The following CR1 variants were observed in gnomAD, a reference collection of about 807,000 sequenced individuals.
CR1 encodes the protein complement receptor type 1.
CR1 carries 116 observed loss-of-function variants against 187.3 expected under a neutral mutation model. The ratio of observed to expected loss-of-function variants is 0.62; its 90% confidence interval spans 0.53 to 0.72. The LOEUF (loss-of-function observed/expected upper bound fraction) is 0.72. Among genes scored for constraint, CR1 ranks in the 30% least tolerant of loss-of-function variants. The pLI is 0.00. For missense variants in CR1, 1,731 were observed against 2,110.7 expected (o/e 0.82, Z 3.52); for synonymous variants, 576 against 747.1 (o/e 0.77, Z 3.73).
chr1:207,509,418 T>C (rs1211995216), intron 3 of CR1, among the ~76,000 whole-genome samples: 1 of 151,562 alleles, frequency 6.6e-6, no homozygotes, highest in Non-Finnish European at 1.5e-5. Context: ...TTACAATAAG[T>C]AGCATGGATT....
chr1:207,620,931 C>T (rs1042425477), intron 43 of CR1, among the ~76,000 whole-genome samples: 1 of 152,080 alleles, frequency 6.6e-6, no homozygotes, highest in Non-Finnish European at 1.5e-5. Flanking sequence ...AGTCACTTTG[C>T]ACCAGGATAA....
At chr1:207,606,742 G>A (rs1661763426) in intron 35 of CR1, among the ~76,000 whole-genome samples, 1 of 152,136 alleles carries the variant, frequency 6.6e-6, no homozygotes, top group Non-Finnish European at 1.5e-5. Context: ...TACATTTCAA[G>A]TGTAGGGGTG....
In CR1 at chr1:207,580,388, C is replaced by G; in HGVS notation, c.5085C>G (p.Asp1695Glu). ...AASLHCTPQG[D>E]WSPEAPRCAV... is the part of the protein sequence containing the mutation. ...CTCTGCACTGCACACCCCAGGGAGA[C>G]TGGAGCCCTGAAGCCCCGAGATGTG... Residue 1695 changes from aspartate (D) to glutamate (E), a missense_variant, in exon 30 of 47, where the codon GAC becomes GAG. Asp to Glu is a conservative substitution (Grantham distance 45). Around this residue, in one of 5 missense-constraint regions of CR1, gnomAD observed 1,312 missense variants for 1,379.6 expected, o/e 0.95. Coordinates refer to ENST00000367049, the MANE Select transcript of CR1 (RefSeq NM_000651.6). 1 of 1,613,922 alleles carries G rather than the reference C, an allele frequency of 6.2e-7. No homozygotes were observed. Among genetic ancestry groups the G allele is most frequent in the South Asian group, 1.1e-5 (1 of 91,070 alleles).
intron 28 of CR1, among the ~76,000 whole-genome samples, chr1:207,576,892 G>A (rs976724176): frequency 6.6e-6 from 1 of 152,100 alleles, no homozygotes; most frequent in African/African-American, 2.4e-5. Context: ...CTTCTATATA[G>A]AGAGAACTAG....
chr1:207,639,435 T>C lies in CR1; in HGVS notation c.*26T>C. 4.4e-6 allele frequency: 7 copies of C among 1,590,954 alleles called. No homozygotes were observed. Among genetic ancestry groups the C allele is most frequent in the Non-Finnish European group, 6.0e-6 (7 of 1,166,906 alleles). On this transcript the variant is annotated 3_prime_UTR_variant, in exon 47 of 47. Coordinates refer to ENST00000367049, the MANE Select transcript of CR1 (RefSeq NM_000651.6). ...CAAAGTACTATACAGCTGAAGAACA[T>C]CTCGAATACAATTTTGGTGGGAAAG...
intron 35 of CR1, among the ~76,000 whole-genome samples, chr1:207,598,467 T>A (rs929831192): frequency 2.6e-5 from 4 of 151,818 alleles, no homozygotes; most frequent in African/African-American, 9.7e-5. Context: ...GTCACCAGGC[T>A]GGAGTGCAGT....
intron 37 of CR1, among the ~76,000 whole-genome samples, chr1:207,610,281 A>G (rs573995360): frequency 1.3e-5 from 2 of 152,138 alleles, no homozygotes; most frequent in African/African-American, 2.4e-5. Flanking sequence ...ATAATTATAT[A>G]TTGTTCAGAT....
chr1:207,586,210 T>G (rs897989072), intron 33 of CR1, among the ~76,000 whole-genome samples: 2 of 151,998 alleles, frequency 1.3e-5, no homozygotes, highest in African/African-American at 2.4e-5. Flanking sequence ...CAATCATAGT[T>G]TACTGCAGCC....
Position 207,496,201 on chromosome 1 carries a change from C to T in CR1, c.-67C>T. On this transcript the variant is annotated 5_prime_UTR_variant, in exon 1 of 47. Transcript: ENST00000367049. ...CAATGATTGGTCACTCCTATTTTCG[C>T]TGAGCTTTTCCTCTTATTTCAGTTT... 6.2e-7 allele frequency: 1 copy of T among 1,612,196 alleles called. No individual in the cohort carries two copies. The highest frequency in any genetic ancestry group is 8.5e-7 in the Non-Finnish European group (1 of 1,179,398).
chr1:207,598,748 C>T (rs1661522183), intron 35 of CR1: 1 of 152,174 alleles, frequency 6.6e-6, no homozygotes, highest in African/African-American at 2.4e-5. Context: ...CAAGAGAGCG[C>T]TAACTAACGT....
chr1:207,511,503 T>C (rs569229698), intron 3 of CR1, 66 bp from the exon 4 acceptor site: 1 of 1,472,532 alleles, frequency 6.8e-7, no homozygotes, highest in African/African-American at 1.4e-5. Context: ...TCTCTGGAAG[T>C]AGTAATTTAA....
chr1:207,520,090 C>A (rs1659928090), intron 4 of CR1, among the ~76,000 whole-genome samples: 2 of 152,124 alleles, frequency 1.3e-5, no homozygotes, highest in Admixed American at 1.3e-4. Context: ...ATATTTACAC[C>A]TTAGTGAATT....
intron 35 of CR1, among the ~76,000 whole-genome samples, chr1:207,592,493 G>GAATGGGCA (rs1275864928): frequency 6.6e-6 from 1 of 152,134 alleles, no homozygotes; most frequent in Non-Finnish European, 1.5e-5. Flanking sequence ...ATATCATACT[G>GAATGGGCA]AATGGGCAAA....
chr1:207,525,183 G>C (rs1660131182), intron 5 of CR1, among the ~76,000 whole-genome samples: 1 of 151,970 alleles, frequency 6.6e-6, no homozygotes, highest in African/African-American at 2.4e-5. Context: ...CCATGATCCA[G>C]TCACTTCCCA....
chr1:207,499,986 C>A (rs1235708861), intron 1 of CR1, among the ~76,000 whole-genome samples: 1 of 152,134 alleles, frequency 6.6e-6, no homozygotes, highest in Non-Finnish European at 1.5e-5. Flanking sequence ...ACCCTCTCCG[C>A]AAAGACACAT....
chr1:207,621,107 G>C (rs1460062200), intron 43 of CR1, among the ~76,000 whole-genome samples: 1 of 151,952 alleles, frequency 6.6e-6, no homozygotes, highest in Non-Finnish European at 1.5e-5. Flanking sequence ...AACCCCATCT[G>C]TACTAAAAAA....
At chr1:207,512,092 T>A (rs1458241105) in intron 4 of CR1, among the ~76,000 whole-genome samples, 2 of 152,208 alleles carry the variant, frequency 1.3e-5, no homozygotes, top group Non-Finnish European at 2.9e-5. Flanking sequence ...ACCTCAGAAG[T>A]GAACATATAT....
At position 207,589,219 on chromosome 1, in the gene CR1, C is replaced by T. The variant is rs551733981; in HGVS notation, c.5810+445C>T. Among the ~76,000 whole-genome samples the T allele has an allele frequency of 2.6e-5, 4 of 152,290 alleles. 1 individual carries two copies. The South Asian group carries it at 8.3e-4, about 32-fold the overall frequency. On this transcript the variant is annotated intron_variant, in intron 35 of 46. Transcript: ENST00000367049. ...CTGGAAGAGTATGCATCAAAGTGCA[C>T]ACAGAGAGGAGACATTATGGGGTTC...
chr1:207,581,292 G>A (rs1196321267), intron 31 of CR1, among the ~76,000 whole-genome samples: 2 of 150,448 alleles, frequency 1.3e-5, no homozygotes, highest in African/African-American at 2.4e-5. Context: ...ATATGTATAC[G>A]TATACATATG....
Sources: gnomAD v4.1 joint callset for allele counts (sites outside exome capture counted in the v4.1 genomes callset) on GRCh38, gnomAD v4.1.1 for gene constraint, gnomAD v4.1.1 regional missense constraint, MANE v1.5 for transcripts, NCBI Gene and HGNC (gene_info 2026-07-23, HGNC 2026-07-21) for gene names.